Variants in CHD2 observed in about 807,000 individuals in gnomAD.
CHD2 encodes the protein ATP-dependent chromatin remodeler CHD2.
In CHD2, 28 loss-of-function variants were observed where a neutral mutation model predicts 243.9. That is an observed-to-expected ratio of 0.11 (90% confidence interval 0.09 to 0.16). CHD2 has a LOEUF of 0.16. Ranked by LOEUF, CHD2 falls within the 10% of genes least tolerant of loss-of-function variation. CHD2 has a pLI of 1.00. For synonymous variants in CHD2, 775 were observed against 779.0 expected (o/e 0.99, Z 0.09); for missense variants, 1,386 against 2,209.8 (o/e 0.63, Z 7.47).
intron 17 of CHD2, 107 bp from the exon 18 acceptor site, chr15:92,971,658 G>A: frequency 2.3e-6 from 2 of 886,476 alleles, no homozygotes; most frequent in South Asian, 3.4e-5. Flanking sequence ...ACTTTTTTAG[G>A]CCTCTTTTTT....
At chr15:92,974,549 C>T (rs542025347) in intron 19 of CHD2, among the ~76,000 whole-genome samples, 2 of 152,236 alleles carry the variant, frequency 1.3e-5, no homozygotes, top group South Asian at 4.1e-4. Flanking sequence ...TCTGCAGTAC[C>T]TACAGAAACA....
chr15:92,939,591 C>T lies in CHD2; in HGVS notation c.565C>T (p.Pro189Ser). 6.2e-7 allele frequency: 1 copy of T among 1,613,810 alleles called. No homozygotes were observed. Residue 189 changes from proline (P) to serine (S), a missense_variant, in exon 7 of 39, where the codon CCT becomes TCT. Transcript: ENST00000394196. ...RPVPRRTVPKPRVKKQPKTQR... is the reference protein window; with the variant it reads ...RPVPRRTVPKSRVKKQPKTQR... ...TTCTCATTTTAGAACAGTGCCCAAACCTCGTGTTAAAAAGCAGCCGAAGAC... is the reference window on the plus strand; with the variant it reads ...TTCTCATTTTAGAACAGTGCCCAAATCTCGTGTTAAAAAGCAGCCGAAGAC...
intron 28 of CHD2, among the ~76,000 whole-genome samples, chr15:92,994,805 C>T (rs188462628): frequency 6.6e-6 from 1 of 152,104 alleles, no homozygotes; most frequent in Admixed American, 6.5e-5. Flanking sequence ...CTTAACAGTC[C>T]CTTCTCCCCA....
intron 38 of CHD2, among the ~76,000 whole-genome samples, chr15:93,023,845 G>A (rs951814976): frequency 6.6e-6 from 1 of 151,326 alleles, no homozygotes; most frequent in African/African-American, 2.4e-5. Context: ...TCCTTTGCCT[G>A]TTTTTGAGTT....
At chr15:92,927,146 T>C (rs2141752254) in intron 3 of CHD2, 98 bp from the exon 4 acceptor site, 1 of 874,562 alleles carries the variant, frequency 1.1e-6, no homozygotes, top group Non-Finnish European at 1.8e-6. Flanking sequence ...ACCCTTTTGA[T>C]ACTTGGTTAC....
chr15:93,021,840 C>T (rs2054538163), intron 38 of CHD2: 2 of 152,224 alleles, frequency 1.3e-5, no homozygotes, highest in South Asian at 4.1e-4. Context: ...CACTGTGGGT[C>T]TTGCTCCCCT....
chr15:93,001,589 TCA>T (rs2054257280), intron 32 of CHD2, among the ~76,000 whole-genome samples: 1 of 152,144 alleles, frequency 6.6e-6, no homozygotes, highest in Admixed American at 6.6e-5. Flanking sequence ...CGATCTGGGC[TCA>T]CAGCAGCTTC....
chr15:92,901,937 A>T (rs952451581), intron 2 of CHD2: 1 of 360,112 alleles, frequency 2.8e-6, no homozygotes, highest in East Asian at 4.1e-5. Flanking sequence ...CTTGATGGTT[A>T]GAGTTCCTGC....
Position 93,002,275 on chromosome 15 carries a change from A to C in CHD2, c.4236A>C (p.Glu1412Asp), listed in dbSNP as rs747843766. 2.5e-6 allele frequency: 4 copies of C among 1,602,244 alleles called. No individual in the cohort carries two copies. Among genetic ancestry groups the C allele is most frequent in the Non-Finnish European group, 3.4e-6 (4 of 1,174,588 alleles). Residue 1412 changes from glutamate to aspartate, a missense_variant, in exon 33 of 39, where the codon GAA becomes GAC. This residue lies in a region of CHD2 where 125 missense variants were observed against 128.9 expected (regional missense o/e 0.97). Transcript: ENST00000394196. The part of the protein sequence containing the change: ...EKQMSSRKDK[E>D]GDKERKKSKD... The stretch of plus-strand genomic sequence containing the variant: ...AAATGAGTTCTAGGAAAGACAAAGA[A>C]GGGGACAAGGAAAGAAAGAAGTCAA...
chr15:92,913,188 A>C (rs1365464000), intron 2 of CHD2, among the ~76,000 whole-genome samples: 1 of 152,160 alleles, frequency 6.6e-6, no homozygotes, highest in Non-Finnish European at 1.5e-5. Context: ...TCTTGTACTG[A>C]GGCAAGTTTG....
chr15:92,909,954 G>C (rs1435332713), intron 2 of CHD2, among the ~76,000 whole-genome samples: 3 of 147,894 alleles, frequency 2.0e-5, no homozygotes, highest in Non-Finnish European at 3.0e-5. Context: ...GTGTGTGTGT[G>C]TGTGTGTGTG....
chr15:92,913,686 T>C (rs2052783184), intron 2 of CHD2, among the ~76,000 whole-genome samples: 1 of 152,180 alleles, frequency 6.6e-6, no homozygotes, highest in African/African-American at 2.4e-5. Context: ...ATGCCATTTC[T>C]ACAAAAAATG....
At position 93,002,163 on chromosome 15, in the gene CHD2, G is replaced by C; in HGVS notation, c.4138-14G>C. On this transcript the variant is annotated splice_polypyrimidine_tract_variant and intron_variant, in intron 32 of 38. Coordinates refer to ENST00000394196, the MANE Select transcript of CHD2 (RefSeq NM_001271.4). ...ATTTGTAGCAAAAATTCATAGCCCT[G>C]TTTTGTTTCCTAGGATGATGGCTTG... 2 of 1,578,090 alleles carry C rather than the reference G, an allele frequency of 1.3e-6. No homozygotes were observed. The highest frequency in any genetic ancestry group is 1.7e-6 in the Non-Finnish European group (2 of 1,170,526).
intron 4 of CHD2, 125 bp from the exon 5 acceptor site, chr15:92,928,905 T>C (rs1443087282): frequency 1.3e-6 from 1 of 780,600 alleles, no homozygotes; most frequent in Non-Finnish European, 2.0e-6. Context: ...CTTAGGTTTC[T>C]TTGTGTCTAA....
intron 2 of CHD2, among the ~76,000 whole-genome samples, chr15:92,915,782 G>A (rs1056446995): frequency 1.3e-5 from 2 of 152,144 alleles, no homozygotes; most frequent in Non-Finnish European, 2.9e-5. Flanking sequence ...GAAAAGTCAA[G>A]CTGGGAACTG....
At chr15:92,977,658 C>T (rs1281374648) in intron 20 of CHD2, among the ~76,000 whole-genome samples, 1 of 152,166 alleles carries the variant, frequency 6.6e-6, no homozygotes, top group African/African-American at 2.4e-5. Context: ...ACACATCGCT[C>T]TCCAGCCAAA....
At chr15:92,999,203 G>T (rs1410309584) in intron 31 of CHD2, among the ~76,000 whole-genome samples, 1 of 150,478 alleles carries the variant, frequency 6.6e-6, no homozygotes, top group South Asian at 2.1e-4. Context: ...CTGCTCCCCA[G>T]TCCCACTATT....
chr15:92,930,647 G>T (rs1039444148), intron 5 of CHD2, among the ~76,000 whole-genome samples: 5 of 152,046 alleles, frequency 3.3e-5, no homozygotes, highest in African/African-American at 1.2e-4. Context: ...TCTCAGGCTG[G>T]TTTCAACCTC....
chr15:92,924,288 A>G (rs1165608756), intron 2 of CHD2, 33 bp from the exon 3 acceptor site: 7 of 1,585,574 alleles, frequency 4.4e-6, no homozygotes, highest in Non-Finnish European at 6.0e-6. Context: ...CAGTTCTTAA[A>G]TATTTTTAAA....
Sources: gnomAD v4.1 joint callset for allele counts (sites outside exome capture counted in the v4.1 genomes callset) on GRCh38, gnomAD v4.1.1 for gene constraint, gnomAD v4.1.1 regional missense constraint, MANE v1.5 for transcripts, NCBI Gene and HGNC (gene_info 2026-07-23, HGNC 2026-07-21) for gene names.